The following SORD variants were observed in gnomAD, a reference collection of about 807,000 sequenced individuals.
SORD encodes the protein (R,R)-butanediol dehydrogenase.
In SORD, 18 loss-of-function variants were observed where a neutral mutation model predicts 35.6. That is an observed-to-expected ratio of 0.51 (90% CI 0.35 to 0.75). SORD has a LOEUF of 0.75. SORD is among the 30% of genes least tolerant of loss of function. SORD has a pLI of 0.01. For synonymous variants in SORD, 106 were observed against 152.9 expected (o/e 0.69, Z 2.26); for missense variants, 250 against 390.2 (o/e 0.64, Z 3.03).
chr15:45,037,673 C>A (rs1892891424), intron 1 of SORD, among the ~76,000 whole-genome samples: 2 of 152,024 alleles, frequency 1.3e-5, no homozygotes, highest in South Asian at 4.1e-4. Context: ...AAGCTGGAAG[C>A]CATCCTTCTC....
intron 3 of SORD, among the ~76,000 whole-genome samples, chr15:45,054,068 A>C (rs1893172976): frequency 6.7e-6 from 1 of 149,384 alleles, no homozygotes; most frequent in South Asian, 2.1e-4. Context: ...GGTTGGTTCC[A>C]AGTCTTTGCT....
intron 2 of SORD, among the ~76,000 whole-genome samples, chr15:45,041,365 T>G (rs1400209630): frequency 6.6e-6 from 1 of 151,974 alleles, no homozygotes; most frequent in African/African-American, 2.4e-5. Flanking sequence ...CTGTAGATAC[T>G]CACCCTCCCC....
chr15:45,023,962 C>T (rs73421317), intron 1 of SORD, among the ~76,000 whole-genome samples: 2,843 of 152,284 alleles, frequency 0.019, 56 homozygotes, highest in South Asian at 0.088. Flanking sequence ...CTTGATAGCT[C>T]CCTTGTCTGT....
chr15:45,025,284 G>C (rs548658472), intron 1 of SORD, among the ~76,000 whole-genome samples: 1 of 152,172 alleles, frequency 6.6e-6, no homozygotes. Context: ...AAGTGGTAGC[G>C]TCATTTACTA....
intron 1 of SORD, among the ~76,000 whole-genome samples, chr15:45,027,498 G>C (rs1321953702): frequency 6.6e-6 from 1 of 152,284 alleles, no homozygotes; most frequent in Non-Finnish European, 1.5e-5. Context: ...AATGGTATGT[G>C]CTAACTGTGG....
chr15:45,041,171 G>A (rs1265884402), intron 2 of SORD, among the ~76,000 whole-genome samples: 1 of 152,156 alleles, frequency 6.6e-6, no homozygotes, highest in Non-Finnish European at 1.5e-5. Context: ...GAGTGCTATG[G>A]TGAGGATAAA....
Position 45,066,100 on chromosome 15 carries a change from C to T in SORD, c.544+711C>T, listed in dbSNP as rs1179856429. 2.6e-5 allele frequency among the ~76,000 whole-genome samples: 4 copies of T among 151,434 alleles called. No homozygotes were observed. In the East Asian group the frequency reaches 8.0e-4, roughly 30 times the overall value. On this transcript the variant is annotated intron_variant, in intron 5 of 8. Transcript: ENST00000267814. Reference sequence around the variant, plus strand: ...CTTTACTAAAAATACAAAAATTAGCCAGGCGTGGTGGTGCACCCCCTGTAG... The same window carrying T: ...CTTTACTAAAAATACAAAAATTAGCTAGGCGTGGTGGTGCACCCCCTGTAG...
rs749970545 is a variant in SORD at position 45,068,960 on chromosome 15, A to G, written c.694A>G (p.Ile232Val). The part of the protein sequence containing the change: ...LQISKESPQE[I>V]ARKVEGQLGC... ...GATCTCCAAGGAGAGCCCTCAGGAA[A>G]TCGCCAGGAAAGTAGAAGGTCAGCT... Residue 232 changes from isoleucine (I) to valine (V), a missense_variant, in exon 7 of 9, where the codon ATC (isoleucine) becomes GTC (valine). Transcript: ENST00000267814. 1 of 1,602,432 alleles carries G rather than the reference A, an allele frequency of 6.2e-7. No homozygotes were observed. Among genetic ancestry groups the G allele is most frequent in the Non-Finnish European group, 8.5e-7 (1 of 1,175,880 alleles).
chr15:45,029,365 G>A (rs1892731161), intron 1 of SORD, among the ~76,000 whole-genome samples: 2 of 109,094 alleles, frequency 1.8e-5, no homozygotes, highest in South Asian at 2.5e-4. Context: ...TGGCCCCTTC[G>A]CCAGACCTGT....
At chr15:45,051,209 TAC>T (rs1235309143) in intron 3 of SORD, among the ~76,000 whole-genome samples, 1 of 152,222 alleles carries the variant, frequency 6.6e-6, no homozygotes, top group Non-Finnish European at 1.5e-5. Context: ...CTCTGTGGTT[TAC>T]AATAATTTAC....
intron 4 of SORD, among the ~76,000 whole-genome samples, chr15:45,061,713 C>T (rs1335270140): frequency 1.3e-5 from 2 of 151,796 alleles, no homozygotes; most frequent in South Asian, 2.1e-4. Flanking sequence ...TAAAAAAATA[C>T]AAAAAATTAG....
chr15:45,047,203 C>G (rs928844634), intron 3 of SORD: 1 of 152,070 alleles, frequency 6.6e-6, no homozygotes, highest in Non-Finnish European at 1.5e-5. Context: ...GATGCACTAC[C>G]TTCAGACCAG....
rs1306268105 is a variant in SORD at position 45,071,595 on chromosome 15, A to ATTC, written c.787-717_787-715dup. On this transcript the variant is annotated intron_variant, in intron 7 of 8. Transcript: ENST00000267814. ...AACAATCAGCATGATTGAATTATCC[A>ATTC]TTCTTCTGTCTCTCACCGCACTGAG... is the stretch of plus-strand genomic sequence containing the variant. Among the ~76,000 whole-genome samples, 4 of 152,268 alleles carry ATTC rather than the reference A, an allele frequency of 2.6e-5. No individual in the cohort carries two copies. The East Asian group carries it at 7.7e-4, about 29-fold the overall frequency.
At chr15:45,048,069 A>C (rs1260440340) in intron 3 of SORD, among the ~76,000 whole-genome samples, 2 of 152,226 alleles carry the variant, frequency 1.3e-5, no homozygotes, top group African/African-American at 4.8e-5. Context: ...GGGTATCTGC[A>C]TGAAGATGAA....
chr15:45,045,694 T>C (rs1893037245), intron 3 of SORD, among the ~76,000 whole-genome samples: 1 of 152,074 alleles, frequency 6.6e-6, no homozygotes, highest in Admixed American at 6.6e-5. Flanking sequence ...GCATAATCTT[T>C]ATAAAAGTCC....
At chr15:45,067,001 A>G (rs1737734850) in intron 5 of SORD, among the ~76,000 whole-genome samples, 1 of 152,218 alleles carries the variant, frequency 6.6e-6, no homozygotes. Flanking sequence ...ATATTTGGGT[A>G]TAGAATCTTT....
chr15:45,055,296 G>A (rs1893197653), intron 3 of SORD, among the ~76,000 whole-genome samples: 1 of 152,068 alleles, frequency 6.6e-6, no homozygotes, highest in African/African-American at 2.4e-5. Context: ...AATAAAAAAT[G>A]ATAAAGGGGA....
At chr15:45,065,168 A>T in intron 4 of SORD, 103 bp from the exon 5 acceptor site, 1 of 1,072,280 alleles carries the variant, frequency 9.3e-7, no homozygotes, top group Admixed American at 2.2e-5. Flanking sequence ...TGCTCGATAA[A>T]TGCTAGCTAT....
chr15:45,046,336 A>G (rs903390378), intron 3 of SORD, among the ~76,000 whole-genome samples: 4 of 152,252 alleles, frequency 2.6e-5, no homozygotes, highest in Non-Finnish European at 5.9e-5. Flanking sequence ...TCAGCCTCCC[A>G]GGTTCAAGTG....
Sources: gnomAD v4.1 joint callset for allele counts (sites outside exome capture counted in the v4.1 genomes callset) on GRCh38, gnomAD v4.1.1 for gene constraint, MANE v1.5 for transcripts, NCBI Gene and HGNC (gene_info 2026-07-23, HGNC 2026-07-21) for gene names.